The following ELP1 variants were observed in gnomAD, a reference collection of about 807,000 sequenced individuals.
ELP1 encodes elongator acetyltransferase complex subunit 1.
In ELP1, 131 loss-of-function variants were observed where a neutral mutation model predicts 183.2. That is an observed-to-expected ratio of 0.72 (90% CI 0.62 to 0.83). The LOEUF (loss-of-function observed/expected upper bound fraction) is 0.83. Among genes scored for constraint, ELP1 ranks in the 40% least tolerant of loss-of-function variants. The probability of loss-of-function intolerance (pLI) is 0.00; values close to 1 mark genes in which losing one functional copy is unlikely to be tolerated. For synonymous variants in ELP1, 555 were observed against 569.0 expected (o/e 0.98, Z 0.35); for missense variants, 1,550 against 1,594.9 (o/e 0.97, Z 0.48).
intron 33 of ELP1, 41 bp downstream of exon 33, chr9:108,879,405 C>A (rs759058694): frequency 2.4e-5 from 35 of 1,457,080 alleles, no homozygotes; most frequent in Non-Finnish European, 3.3e-5. Flanking sequence ...TCCCTATATG[C>A]CCAGGATATA....
chr9:108,870,173 C>T lies in ELP1; in HGVS notation c.3932-991G>A, dbSNP rs577973137. Among the ~76,000 whole-genome samples the T allele has an allele frequency of 3.9e-5, 6 of 152,112 alleles. No homozygotes were observed. The South Asian group carries it at 1.2e-3, about 32-fold the overall frequency. ...GTAGAGACAAGGTTTCACCATGCTGCCCAGGCTACTCTCAAAACTCCTGGT... is the reference window on the plus strand; with the variant it reads ...GTAGAGACAAGGTTTCACCATGCTGTCCAGGCTACTCTCAAAACTCCTGGT... On this transcript the variant is annotated intron_variant, in intron 36 of 36. Coordinates refer to ENST00000374647, the MANE Select transcript of ELP1 (RefSeq NM_003640.5).
intron 5 of ELP1, among the ~76,000 whole-genome samples, chr9:108,924,344 C>T (rs374510334): frequency 3.9e-5 from 6 of 152,092 alleles, no homozygotes; most frequent in African/African-American, 1.4e-4. Context: ...AACAAGTCTA[C>T]TGACCCCAGG....
At position 108,891,303 on chromosome 9, in the gene ELP1, T is replaced by C. The variant is rs1342216283; in HGVS notation, c.3060A>G (p.Ser1020=). 42 of 1,614,046 alleles carry C rather than the reference T, an allele frequency of 2.6e-5. No homozygotes were observed. The highest frequency in any genetic ancestry group is 2.6e-5 in the Non-Finnish European group (31 of 1,180,012). The part of the protein sequence containing the change: ...ARCGAHEKAL[S]AFLTCGNWKQ... ...TCCAGTTGCCACATGTCAGAAAGGC[T>C]GAGAGAGCTTTCTCGTGGGCACCGC... is the stretch of plus-strand genomic sequence containing the variant. Residue 1020 remains serine (S), a synonymous_variant, in exon 28 of 37, where the codon TCA becomes TCG. Coordinates refer to ENST00000374647, the MANE Select transcript of ELP1 (RefSeq NM_003640.5).
intron 3 of ELP1, among the ~76,000 whole-genome samples, 153 bp downstream of exon 3, chr9:108,929,616 G>A (rs1829931793): frequency 6.6e-6 from 1 of 152,190 alleles, no homozygotes; most frequent in Non-Finnish European, 1.5e-5. Context: ...ATAAAGCCAT[G>A]TTAACAATTT....
intron 25 of ELP1, among the ~76,000 whole-genome samples, chr9:108,894,731 T>C (rs1290750000): frequency 6.6e-6 from 1 of 152,222 alleles, no homozygotes; most frequent in Non-Finnish European, 1.5e-5. Flanking sequence ...TTTCATGACA[T>C]TCCATGCTCT....
chr9:108,883,877 T>C (rs1475652807), intron 29 of ELP1, among the ~76,000 whole-genome samples: 1 of 150,586 alleles, frequency 6.6e-6, no homozygotes, highest in Non-Finnish European at 1.5e-5. Context: ...AAACAAAGGA[T>C]CAATGAAACA....
intron 2 of ELP1, among the ~76,000 whole-genome samples, chr9:108,930,790 C>T (rs1829977608): frequency 6.6e-6 from 1 of 151,612 alleles, no homozygotes; most frequent in African/African-American, 2.4e-5. Flanking sequence ...CAGAGTTCTA[C>T]TGACTTAGGT....
intron 36 of ELP1, among the ~76,000 whole-genome samples, chr9:108,872,424 C>G (rs1166530958): frequency 6.6e-6 from 1 of 152,052 alleles, no homozygotes; most frequent in African/African-American, 2.4e-5. Flanking sequence ...AATATCAATA[C>G]TGAAAAAAGG....
chr9:108,901,361 G>C (rs1828797111), intron 18 of ELP1, 64 bp downstream of exon 18: 6 of 1,163,364 alleles, frequency 5.2e-6, no homozygotes, highest in Admixed American at 1.8e-5. Flanking sequence ...AATTCAAAAA[G>C]TCATCAAGAC....
chr9:108,870,803 C>G (rs536034925), intron 36 of ELP1, among the ~76,000 whole-genome samples: 7 of 152,196 alleles, frequency 4.6e-5, no homozygotes, highest in African/African-American at 1.7e-4. Flanking sequence ...GAACAAATGT[C>G]AATTTATTTT....
At chr9:108,889,533 G>C (rs1828245829) in intron 28 of ELP1, 140 bp from the exon 29 acceptor site, 4 of 761,360 alleles carry the variant, frequency 5.3e-6, no homozygotes, top group Admixed American at 2.0e-5. Context: ...ACACCACAGA[G>C]TCCTATCTTA....
chr9:108,882,236 T>G, intron 29 of ELP1, 49 bp from the exon 30 acceptor site: 1 of 1,546,564 alleles, frequency 6.5e-7, no homozygotes, highest in Non-Finnish European at 8.9e-7. Context: ...GCATGTCAGA[T>G]GTCATCACAG....
At chr9:108,901,091 A>G (rs539723272) in intron 18 of ELP1, among the ~76,000 whole-genome samples, 1 of 152,226 alleles carries the variant, frequency 6.6e-6, no homozygotes, top group South Asian at 2.1e-4. Context: ...GTGGGAAAAG[A>G]CTACACAGAA....
At position 108,933,966 on chromosome 9, in the gene ELP1, G is replaced by A. The variant is rs530824179; in HGVS notation, c.-158C>T. The A allele has an allele frequency of 1.3e-5, 2 of 159,322 alleles. No homozygotes were observed. The highest frequency in any genetic ancestry group is 2.8e-5 in the Non-Finnish European group (2 of 72,556). The allele number at this position is 159,322 out of a possible 1,614,324, so 9.9% of individuals were successfully genotyped here. A position where few individuals can be genotyped will look rare whatever the true frequency, so the allele number is the denominator to read the frequency against. On this transcript the variant is annotated 5_prime_UTR_variant, in exon 1 of 37. Coordinates refer to ENST00000374647, the MANE Select transcript of ELP1 (RefSeq NM_003640.5). The stretch of plus-strand genomic sequence containing the variant: ...ACAGTCCGCACCCAGAGTCGGCTCC[G>A]AATTGCGCACGCGTCTCTGTCCGCG...
In ELP1 at chr9:108,931,163, C is replaced by A. The variant is rs199738099; in HGVS notation, c.-17G>T. ...ATTTCGCATGATGAAGTGATTCCCA[C>A]GAGACAAGTACAACTATCCCTTGAT... is the stretch of plus-strand genomic sequence containing the variant. On this transcript the variant is annotated 5_prime_UTR_variant, in exon 2 of 37. Transcript: ENST00000374647. 6.8e-6 allele frequency: 11 copies of A among 1,612,380 alleles called. No homozygotes were observed. Among genetic ancestry groups the A allele is most frequent in the Non-Finnish European group, 9.3e-6 (11 of 1,178,664 alleles).
chr9:108,918,079 T>G (rs16913693), intron 8 of ELP1, among the ~76,000 whole-genome samples: 12,137 of 152,272 alleles, frequency 0.08, 1,140 homozygotes, highest in African/African-American at 0.23. Flanking sequence ...TTTTTAAGAC[T>G]TCACCAAATG....
In ELP1 at chr9:108,929,883, G is replaced by A. The variant is rs2230786; in HGVS notation, c.189C>T (p.Leu63=). Residue 63 remains leucine (L), a synonymous_variant, in exon 3 of 37, where the codon CTC becomes CTT. Coordinates refer to ENST00000374647, the MANE Select transcript of ELP1 (RefSeq NM_003640.5). ...CAATGCGGCCACTTCCATCCTCTGG[G>A]AGAAAGCCTTCTGCCACCAAAGAAA... ...NEVSLVAEGF[L]PEDGSGRIVG... 0.022 allele frequency: 34,916 copies of A among 1,613,842 alleles called. 458 individuals carry two copies. The highest frequency in any genetic ancestry group is 0.025 in the Non-Finnish European group (29,773 of 1,180,008).
chr9:108,887,723 T>A (rs10120357), intron 29 of ELP1, among the ~76,000 whole-genome samples: 13 of 152,026 alleles, frequency 8.6e-5, no homozygotes, highest in African/African-American at 3.1e-4. Context: ...GATAATAGGG[T>A]CTGTTGTTTT....
rs2131975190 is a variant in ELP1, at chr9:108,893,974, A to G, written c.2829T>C (p.Tyr943=). The G allele has an allele frequency of 1.2e-6, 2 of 1,613,558 alleles. No individual in the cohort carries two copies. Among genetic ancestry groups the G allele is most frequent in the African/African-American group, 1.3e-5 (1 of 75,024 alleles). Residue 943 remains tyrosine (Y), a synonymous_variant, in exon 26 of 37, where the codon TAT becomes TAC. Transcript: ENST00000374647. The part of the protein sequence containing the change: ...RFTIDKYLKR[Y]EKAIGHLSKC... ...TGCTGAGGTGGCCAATGGCTTTTTC[A>G]TATCGTTTCAAGTATTTGTCTATAG... is the stretch of plus-strand genomic sequence containing the variant.
Sources: gnomAD v4.1 joint callset for allele counts (sites outside exome capture counted in the v4.1 genomes callset) on GRCh38, gnomAD v4.1.1 for gene constraint, MANE v1.5 for transcripts, NCBI Gene and HGNC (gene_info 2026-07-23, HGNC 2026-07-21) for gene names.